Variants in HTRA2 observed in about 807,000 individuals in gnomAD.
HTRA2 encodes serine protease HTRA2, mitochondrial.
HTRA2 carries 24 observed loss-of-function variants against 42.2 expected under a neutral mutation model. The ratio of observed to expected loss-of-function variants is 0.57; its 90% confidence interval spans 0.41 to 0.80. The LOEUF (loss-of-function observed/expected upper bound fraction) is 0.80, where lower values mean the gene tolerates loss of function less well. HTRA2 is among the 30% of genes least tolerant of loss of function. HTRA2 has a pLI of 0.00. For synonymous variants in HTRA2, 245 were observed against 255.8 expected, an observed-to-expected ratio of 0.96 and a Z score of 0.40; for missense variants, 466 against 613.5, an observed-to-expected ratio of 0.76 and a Z score of 2.54.
rs1449973329 is a variant in HTRA2, at chr2:74,530,656, C to A, written c.546C>A (p.Gly182=). ...FLGREVPISN[G]SGFVVAADGL... is the part of the protein sequence containing the mutation. ...GCCGCGAGGTCCCTATCTCGAACGG[C>A]TCAGGATTCGTGGTGGCTGCCGATG... Residue 182 remains glycine, a synonymous_variant, in exon 2 of 8, where the codon GGC becomes GGA. Transcript: ENST00000258080. This position sits in a 1 kb window ranked among gnomAD's most constrained non-coding sequence, Gnocchi z 7.4. 3 of 1,614,190 alleles carry A rather than the reference C, an allele frequency of 1.9e-6. No homozygotes were observed. The highest frequency in any genetic ancestry group is 4.5e-5 in the East Asian group (2 of 44,884).
chr2:74,533,486 T>G, downstream of HTRA2: 1 of 797,534 alleles, frequency 1.3e-6, no homozygotes, highest in East Asian at 2.5e-5. Context: ...TCCACATCCA[T>G]AGTGCATGGT....
chr2:74,531,182 T>A (rs572348540), intron 3 of HTRA2, 77 bp downstream of exon 3: 2 of 1,543,686 alleles, frequency 1.3e-6, no homozygotes, highest in Non-Finnish European at 1.8e-6. Flanking sequence ...CCAACTGATA[T>A]ATGGTGGATG....
At position 74,530,655 on chromosome 2, in the gene HTRA2, G is replaced by A. The variant is rs1675527189; in HGVS notation, c.545G>A (p.Gly182Asp). Reference protein sequence around the residue: ...FLGREVPISNGSGFVVAADGL... With the variant: ...FLGREVPISNDSGFVVAADGL... Reference sequence around the variant, plus strand: ...GGCCGCGAGGTCCCTATCTCGAACGGCTCAGGATTCGTGGTGGCTGCCGAT... The same window carrying A: ...GGCCGCGAGGTCCCTATCTCGAACGACTCAGGATTCGTGGTGGCTGCCGAT... The change falls in exon 2 of 8, where the codon GGC becomes GAC. Residue 182 changes from glycine (G) to aspartate (D), a missense_variant. Transcript: ENST00000258080. This position sits in a 1 kb window ranked among gnomAD's most constrained non-coding sequence, Gnocchi z 7.4. 6.2e-7 allele frequency: 1 copy of A among 1,614,044 alleles called. No individual in the cohort carries two copies. Among genetic ancestry groups the A allele is most frequent in the Admixed American group, 1.7e-5 (1 of 59,998 alleles).
Position 74,531,309 on chromosome 2 carries a change from T to C in HTRA2, c.907-30T>C, listed in dbSNP as rs780218548. 8.7e-6 allele frequency: 14 copies of C among 1,612,794 alleles called. No individual in the cohort carries two copies. In the African/African-American group the frequency reaches 1.9e-4, roughly 22 times the overall value. On this transcript the variant is annotated intron_variant, in intron 3 of 7. Coordinates refer to ENST00000258080, the MANE Select transcript of HTRA2 (RefSeq NM_013247.5). Reference sequence around the variant, plus strand: ...TGCCCCCAGACTTAGAATCCCCAGATCTCTTTCATGTTTTCTCCTTGTCCT... The same window carrying C: ...TGCCCCCAGACTTAGAATCCCCAGACCTCTTTCATGTTTTCTCCTTGTCCT...
chr2:74,532,715 G>A lies in HTRA2; in HGVS notation c.1211+1G>A. ...TCATCCTGGGCTCCCCTGCACACCGGTGAGGGAGAGGCTGCAGTGTGATAT... is the reference window on the plus strand; with the variant it reads ...TCATCCTGGGCTCCCCTGCACACCGATGAGGGAGAGGCTGCAGTGTGATAT... On this transcript the variant is annotated splice_donor_variant, in intron 7 of 7. Transcript: ENST00000258080. LOFTEE classifies it high-confidence loss of function. 6.2e-7 allele frequency: 1 copy of A among 1,613,190 alleles called. No homozygotes were observed. Among genetic ancestry groups the A allele is most frequent in the Non-Finnish European group, 8.5e-7 (1 of 1,179,264 alleles).
chr2:74,529,625 T>C, upstream of HTRA2: 1 of 1,567,930 alleles, frequency 6.4e-7, no homozygotes, highest in Non-Finnish European at 8.6e-7. Context: ...TGAGGGAAGC[T>C]CCATAACTGC....
At chr2:74,529,559 T>G, upstream of HTRA2, 1 of 1,554,102 alleles carries the variant, frequency 6.4e-7, no homozygotes, top group Non-Finnish European at 8.7e-7. Context: ...GGGATCGGTC[T>G]CTTCCCGCCG....
At chr2:74,531,247 A>G in intron 3 of HTRA2, 92 bp from the exon 4 acceptor site, 1 of 1,563,398 alleles carries the variant, frequency 6.4e-7, no homozygotes, top group South Asian at 1.1e-5. Flanking sequence ...TGGGCTGAGA[A>G]AGAAGAGAAT....
intron 3 of HTRA2, 32 bp downstream of exon 3, chr2:74,531,137 A>C: frequency 6.2e-7 from 1 of 1,607,228 alleles, no homozygotes; most frequent in Non-Finnish European, 8.5e-7. Context: ...ATGACAAATG[A>C]TGGGGGAGGG....
chr2:74,529,448 G>T, upstream of HTRA2: 1 of 1,569,228 alleles, frequency 6.4e-7, no homozygotes, highest in East Asian at 2.4e-5. Context: ...GGCAGAACCC[G>T]ACTGGCGCGT....
downstream of HTRA2, chr2:74,533,489 T>G (rs1675776511): frequency 6.0e-6 from 5 of 831,788 alleles, no homozygotes; most frequent in South Asian, 7.8e-5. Context: ...ACATCCATAG[T>G]GCATGGTCTG....
At chr2:74,532,510 C>A in intron 6 of HTRA2, 109 bp from the exon 7 acceptor site, 5 of 826,882 alleles carry the variant, frequency 6.0e-6, no homozygotes, top group South Asian at 1.4e-5. Flanking sequence ...AGTACCTAGC[C>A]CATGTCCTGT....
In HTRA2 at chr2:74,530,037, G is replaced by T. The variant is rs1328683746; in HGVS notation, c.31G>T (p.Gly11Cys). Residue 11 changes from glycine to cysteine, a missense_variant, in exon 1 of 8, where the codon GGC becomes TGC. This residue lies in a region of HTRA2 where 222 missense variants were observed against 205.1 expected (regional missense o/e 1.08). Transcript: ENST00000258080. The surrounding 1 kb of genome is among the most constrained non-coding windows in gnomAD (Gnocchi z 7.4). Reference sequence around the variant, plus strand: ...TGCGCCGAGGGCGGGGCGGGGTGCAGGCTGGAGCCTTCGGGCATGGCGGGC... The same window carrying T: ...TGCGCCGAGGGCGGGGCGGGGTGCATGCTGGAGCCTTCGGGCATGGCGGGC... MAAPRAGRGA[G>C]WSLRAWRALG... The T allele has an allele frequency of 6.4e-7, 1 of 1,572,530 alleles. No homozygotes were observed. Among genetic ancestry groups the T allele is most frequent in the Non-Finnish European group, 8.7e-7 (1 of 1,153,464 alleles).
At chr2:74,531,760 C>A in intron 5 of HTRA2, 58 bp downstream of exon 5, 1 of 1,611,876 alleles carries the variant, frequency 6.2e-7, no homozygotes, top group South Asian at 1.1e-5. Context: ...AGGGGAAGGG[C>A]ATTCAGTGGG....
Position 74,530,392 on chromosome 2 carries a change from C to T in HTRA2, c.386C>T (p.Pro129Leu), listed in dbSNP as rs2104367402. 6.3e-7 allele frequency: 1 copy of T among 1,592,336 alleles called. No individual in the cohort carries two copies. Among genetic ancestry groups the T allele is most frequent in the Non-Finnish European group, 8.5e-7 (1 of 1,172,360 alleles). Residue 129 changes from proline (P) to leucine (L), a missense_variant, in exon 1 of 8, where the codon CCG becomes CTG. This residue lies in a region of HTRA2 where 222 missense variants were observed against 205.1 expected (regional missense o/e 1.08). Transcript: ENST00000258080. The surrounding 1 kb of genome is among the most constrained non-coding windows in gnomAD (Gnocchi z 7.4). ...TTGTGGGGCGGGGGTCGGGGTCCTC[C>T]GGCCGTCCTCGCCGCCGTCCCTAGC... is the stretch of plus-strand genomic sequence containing the variant. ...LLLWGGGRGP[P>L]AVLAAVPSPP... is the part of the protein sequence containing the mutation.
intron 4 of HTRA2, 47 bp from the exon 5 acceptor site, chr2:74,531,550 C>T (rs376113729): frequency 6.2e-6 from 10 of 1,613,586 alleles, no homozygotes; most frequent in Non-Finnish European, 8.5e-6. Flanking sequence ...TGCCCCCATC[C>T]CCTACTATTT....
chr2:74,530,944 G>A lies in HTRA2; in HGVS notation c.745G>A (p.Ala249Thr), dbSNP rs763466238. ...PLPTLPLGRS[A>T]DVRQGEFVVA... is the part of the protein sequence containing the mutation. ...CCCCACGCTGCCTCTGGGACGCTCA[G>A]CTGATGTCCGGCAAGGGGAGTTTGT... The change falls in exon 3 of 8, where the codon GCT becomes ACT. Residue 249 changes from alanine (A) to threonine (T), a missense_variant. Physicochemically the swap from Ala to Thr is moderately conservative, Grantham distance 58 (BLOSUM62 0). Transcript: ENST00000258080. The surrounding 1 kb of genome is among the most constrained non-coding windows in gnomAD (Gnocchi z 7.4). 3 of 1,614,236 alleles carry A rather than the reference G, an allele frequency of 1.9e-6. No homozygotes were observed.
At chr2:74,529,697 T>C (rs1295668884), upstream of HTRA2, 1 of 1,537,398 alleles carries the variant, frequency 6.5e-7, no homozygotes, top group Non-Finnish European at 8.7e-7. Context: ...GCAGGGGCTC[T>C]TGGGAAGGCG....
At position 74,530,038 on chromosome 2, in the gene HTRA2, G is replaced by C; in HGVS notation, c.32G>C (p.Gly11Ala). Residue 11 changes from glycine to alanine, a missense_variant, in exon 1 of 8, where the codon GGC becomes GCC. Physicochemically the swap from Gly to Ala is moderately conservative, Grantham distance 60. Around this residue, in one of 3 missense-constraint regions of HTRA2, gnomAD observed 222 missense variants for 205.1 expected, o/e 1.08. Coordinates refer to ENST00000258080, the MANE Select transcript of HTRA2 (RefSeq NM_013247.5). This position sits in a 1 kb window ranked among gnomAD's most constrained non-coding sequence, Gnocchi z 7.4. ...GCGCCGAGGGCGGGGCGGGGTGCAG[G>C]CTGGAGCCTTCGGGCATGGCGGGCT... MAAPRAGRGA[G>A]WSLRAWRALG... is the part of the protein sequence containing the mutation. 9 of 1,573,548 alleles carry C rather than the reference G, an allele frequency of 5.7e-6. No individual in the cohort carries two copies. The highest frequency in any genetic ancestry group is 7.8e-6 in the Non-Finnish European group (9 of 1,154,038).
Sources: allele counts gnomAD v4.1 joint callset, GRCh38; gene constraint gnomAD v4.1.1; regional missense constraint gnomAD v4.1.1; non-coding constraint Gnocchi (gnomAD v3.1); transcripts MANE v1.5; gene names NCBI Gene and HGNC (gene_info 2026-07-23, HGNC 2026-07-21).